The following ATP8A2 variants were observed in gnomAD, a reference collection of about 807,000 sequenced individuals.
ATP8A2 encodes ATPase phospholipid transporting 8A2, also known as phospholipid-transporting ATPase IB.
ATP8A2 carries 100 observed loss-of-function variants against 165.6 expected under a neutral mutation model. The ratio of observed to expected loss-of-function variants is 0.60; its 90% CI spans 0.51 to 0.71. The LOEUF is 0.71. Ranked by LOEUF, ATP8A2 falls within the 30% of genes least tolerant of loss-of-function variation. The pLI, the probability that ATP8A2 is intolerant of heterozygous loss-of-function variation, is 0.00. For missense variants in ATP8A2, 1,227 were observed against 1,479.5 expected (o/e 0.83, Z 2.80); for synonymous variants, 543 against 548.8 (o/e 0.99, Z 0.15).
At position 25,908,619 on chromosome 13, in the gene ATP8A2, G is replaced by C. The variant is rs554246973; in HGVS notation, c.3183+46211G>C. 1.2e-4 allele frequency among the ~76,000 whole-genome samples: 18 copies of C among 152,336 alleles called. No homozygotes were observed. In the South Asian group the frequency reaches 3.7e-3, roughly 32 times the overall value. On this transcript the variant is annotated intron_variant, in intron 33 of 36. Transcript: ENST00000381655. ...CCATGGCTGCTACAGTTGCTGAATG[G>C]TGACTTCAGGCTTCACTTGGTTCAA...
intron 35 of ATP8A2, among the ~76,000 whole-genome samples, chr13:25,979,162 C>T (rs1593662965): frequency 6.6e-6 from 1 of 152,184 alleles, no homozygotes; most frequent in South Asian, 2.1e-4. Flanking sequence ...AGTTAGGTCA[C>T]GGGTGAATGA....
In ATP8A2 at chr13:25,916,974, G is replaced by GT. The variant is rs554307532; in HGVS notation, c.3184-44594dup. Reference sequence around the variant, plus strand: ...ATATCCAGGGTCCATATAACTTGGGGTTTTTTTCTGGCACCAACATCCTTA... The same window carrying GT: ...ATATCCAGGGTCCATATAACTTGGGGTTTTTTTTCTGGCACCAACATCCTTA... On this transcript the variant is annotated intron_variant, in intron 33 of 36. Transcript: ENST00000381655. Among the ~76,000 whole-genome samples the GT allele has an allele frequency of 1.2e-4, 19 of 152,148 alleles. 1 individual carries two copies. In the South Asian group the frequency reaches 3.1e-3, roughly 25 times the overall value.
intron 24 of ATP8A2, among the ~76,000 whole-genome samples, chr13:25,671,686 C>G (rs1267239723): frequency 6.6e-6 from 1 of 151,482 alleles, no homozygotes; most frequent in Non-Finnish European, 1.5e-5. Context: ...ACCGGTTGAT[C>G]TCAAAACCCT....
At chr13:25,480,498 C>T (rs1181726823) in intron 2 of ATP8A2, among the ~76,000 whole-genome samples, 10 of 148,186 alleles carry the variant, frequency 6.7e-5, no homozygotes, top group African/African-American at 1.0e-4. Flanking sequence ...CGGGCAGAGG[C>T]GCTCCTCACA....
At chr13:25,937,902 G>A (rs1384392083) in intron 33 of ATP8A2, among the ~76,000 whole-genome samples, 2 of 147,020 alleles carry the variant, frequency 1.4e-5, no homozygotes, top group African/African-American at 5.0e-5. Flanking sequence ...AGGTCTAGAT[G>A]ATTTTTATGA....
At chr13:25,626,581 A>G (rs559367056) in intron 24 of ATP8A2, among the ~76,000 whole-genome samples, 2 of 152,294 alleles carry the variant, frequency 1.3e-5, no homozygotes, top group South Asian at 4.1e-4. Flanking sequence ...AATAGAACTC[A>G]GAGCTCAACT....
At chr13:25,710,452 A>G (rs1191587661) in intron 25 of ATP8A2, among the ~76,000 whole-genome samples, 1 of 152,170 alleles carries the variant, frequency 6.6e-6, no homozygotes, top group African/African-American at 2.4e-5. Context: ...TCTGGTACCC[A>G]GCATTCTACT....
intron 1 of ATP8A2, among the ~76,000 whole-genome samples, chr13:25,455,106 T>C (rs749276001): frequency 6.6e-6 from 1 of 152,244 alleles, no homozygotes; most frequent in Non-Finnish European, 1.5e-5. Flanking sequence ...TCCTAAACTC[T>C]GGAGGGATAT....
intron 36 of ATP8A2, among the ~76,000 whole-genome samples, chr13:26,018,979 G>A (rs900626466): frequency 2.0e-5 from 3 of 152,204 alleles, no homozygotes; most frequent in Non-Finnish European, 4.4e-5. Flanking sequence ...TGTAAGAATA[G>A]TCTTTGTATG....
rs1957065532 is a variant in ATP8A2 at position 26,020,427 on chromosome 13, A to T, written c.*442A>T. ...ACTCAGAGGTTAAGTCCAACGGGCC[A>T]CATGCAGACTTCACTGTAGGCAGGT... On this transcript the variant is annotated 3_prime_UTR_variant, in exon 37 of 37. Coordinates refer to ENST00000381655, the MANE Select transcript of ATP8A2 (RefSeq NM_016529.6). 6.3e-6 allele frequency: 1 copy of T among 158,208 alleles called. No homozygotes were observed. Among genetic ancestry groups the T allele is most frequent in the Non-Finnish European group, 1.4e-5 (1 of 72,148 alleles). The allele number at this position is 158,208 out of a possible 1,614,324, so 9.8% of individuals were successfully genotyped here.
At chr13:25,606,628 C>A (rs1020513402) in intron 24 of ATP8A2, among the ~76,000 whole-genome samples, 1 of 151,986 alleles carries the variant, frequency 6.6e-6, no homozygotes, top group Non-Finnish European at 1.5e-5. Flanking sequence ...GTACTTTTGC[C>A]CCTTATTACC....
chr13:26,000,468 C>G (rs546008061), intron 35 of ATP8A2, among the ~76,000 whole-genome samples: 1 of 152,152 alleles, frequency 6.6e-6, no homozygotes, highest in African/African-American at 2.4e-5. Flanking sequence ...TAACTCAGCT[C>G]TCCACTTCTT....
At chr13:25,623,442 A>G (rs1348173830) in intron 24 of ATP8A2, among the ~76,000 whole-genome samples, 7 of 152,018 alleles carry the variant, frequency 4.6e-5, no homozygotes, top group South Asian at 2.1e-4. Context: ...TTTTTTTTCA[A>G]AAGTTCTTCT....
chr13:25,746,912 G>A (rs1373541229), intron 25 of ATP8A2, among the ~76,000 whole-genome samples: 1 of 152,070 alleles, frequency 6.6e-6, no homozygotes, highest in African/African-American at 2.4e-5. Flanking sequence ...TTTGGCCCGT[G>A]CTTTCAAAAT....
intron 1 of ATP8A2, among the ~76,000 whole-genome samples, chr13:25,405,069 G>A (rs1354272292): frequency 3.9e-5 from 6 of 152,160 alleles, no homozygotes; most frequent in African/African-American, 1.4e-4. Flanking sequence ...GCTCAGCAGG[G>A]CCAAACGCTG....
intron 24 of ATP8A2, among the ~76,000 whole-genome samples, chr13:25,688,371 C>T (rs533133142): frequency 1.3e-5 from 2 of 151,640 alleles, no homozygotes; most frequent in South Asian, 4.2e-4. Context: ...ACGGGTTCTA[C>T]ACAGCCGGAA....
At chr13:25,866,883 G>T (rs1952522142) in intron 33 of ATP8A2, among the ~76,000 whole-genome samples, 1 of 152,188 alleles carries the variant, frequency 6.6e-6, no homozygotes, top group Non-Finnish European at 1.5e-5. Context: ...ATGTTAAGTG[G>T]TTACGTAGGA....
intron 24 of ATP8A2, among the ~76,000 whole-genome samples, chr13:25,681,800 CAT>C: frequency 6.6e-6 from 1 of 152,286 alleles, no homozygotes; most frequent in East Asian, 1.9e-4. Flanking sequence ...TGAAAATGAT[CAT>C]CTTAGATGTT....
intron 33 of ATP8A2, among the ~76,000 whole-genome samples, chr13:25,890,693 C>T (rs1055565088): frequency 9.9e-5 from 15 of 152,212 alleles, no homozygotes; most frequent in African/African-American, 2.6e-4. Context: ...AGTAGAAATA[C>T]GAAAATATTT....
Sources: gnomAD v4.1 joint callset for allele counts (sites outside exome capture counted in the v4.1 genomes callset) on GRCh38, gnomAD v4.1.1 for gene constraint, MANE v1.5 for transcripts, NCBI Gene and HGNC (gene_info 2026-07-23, HGNC 2026-07-21) for gene names.